HYAL4: variants seen among roughly 807,000 people sequenced by gnomAD.
HYAL4 encodes the protein hyaluronidase 4.
A neutral mutation model predicts 35.2 loss-of-function variants in HYAL4; 37 were observed. The observed-to-expected ratio is 1.05, with a 90% confidence interval of 0.81 to 1.38. The LOEUF (loss-of-function observed/expected upper bound fraction) is 1.38. Ranked by LOEUF, HYAL4 falls within the 40% of genes most tolerant of loss-of-function variation. The pLI is 0.00. For missense variants in HYAL4, 572 were observed against 572.4 expected (o/e 1.00, Z 0.01); for synonymous variants, 198 against 203.2 (o/e 0.97, Z 0.22).
In HYAL4 at chr7:123,868,918, G is replaced by C; in HGVS notation, c.645G>C (p.Trp215Cys). Residue 215 changes from tryptophan (W) to cysteine (C), a missense_variant, in exon 3 of 5, where the codon TGG (tryptophan) becomes TGC (cysteine). Transcript: ENST00000223026. ...LGIKSRPKGL[W>C]GYYLYPDCHN... ...TTAAGAGCCGACCCAAAGGCCTTTG[G>C]GGTTATTATTTATATCCTGATTGCC... The C allele has an allele frequency of 6.2e-7, 1 of 1,614,082 alleles. No individual in the cohort carries two copies. The highest frequency in any genetic ancestry group is 8.5e-7 in the Non-Finnish European group (1 of 1,180,018).
chr7:123,799,987 C>T, the HYAL4 span, among the ~76,000 whole-genome samples: 1 of 151,840 alleles, frequency 6.6e-6, no homozygotes, highest in Non-Finnish European at 1.5e-5. Flanking sequence ...ATGGTGAAAC[C>T]CCGCCTCTAC....
At chr7:123,793,218 C>G in the HYAL4 span, among the ~76,000 whole-genome samples, 1 of 152,164 alleles carries the variant, frequency 6.6e-6, no homozygotes, top group Non-Finnish European at 1.5e-5. Context: ...TTGATCTGGT[C>G]CAAAATATTC....
chr7:123,813,065 A>G, the HYAL4 span, among the ~76,000 whole-genome samples: 1 of 152,168 alleles, frequency 6.6e-6, no homozygotes, highest in Admixed American at 6.5e-5. Flanking sequence ...TTGGGGTGCT[A>G]TGTTGTGAGA....
the HYAL4 span, among the ~76,000 whole-genome samples, chr7:123,800,153 ACT>A: frequency 6.6e-6 from 1 of 150,492 alleles, no homozygotes; most frequent in Non-Finnish European, 1.5e-5. Flanking sequence ...ACAAAGAAAG[ACT>A]CTGTGTCAAT....
chr7:123,834,607 C>T (rs1169486404), intron 1 of HYAL4, among the ~76,000 whole-genome samples: 1 of 152,064 alleles, frequency 6.6e-6, no homozygotes, highest in Non-Finnish European at 1.5e-5. Flanking sequence ...CTAAGACTTC[C>T]AGTACTATGT....
chr7:123,813,176 C>T, the HYAL4 span, among the ~76,000 whole-genome samples: 1 of 151,806 alleles, frequency 6.6e-6, no homozygotes, highest in East Asian at 1.9e-4. Context: ...TAAAAAGAAA[C>T]TGAGTTTAAT....
upstream of HYAL4, among the ~76,000 whole-genome samples, chr7:123,828,249 T>C (rs1388932042): frequency 2.0e-5 from 3 of 152,144 alleles, no homozygotes. Context: ...ACAAGTAAAG[T>C]ATGTTATATT....
the HYAL4 span, among the ~76,000 whole-genome samples, chr7:123,775,106 A>G: frequency 6.6e-6 from 1 of 152,194 alleles, no homozygotes; most frequent in South Asian, 2.1e-4. Context: ...AACTCATGAA[A>G]TGTTTTAAGA....
intron 2 of HYAL4, among the ~76,000 whole-genome samples, chr7:123,864,233 T>C (rs1275172753): frequency 6.6e-6 from 1 of 152,142 alleles, no homozygotes; most frequent in African/African-American, 2.4e-5. Context: ...CTTTAATGAG[T>C]ATGTCATTTC....
chr7:123,828,634 C>T (rs1280162664), upstream of HYAL4, among the ~76,000 whole-genome samples: 1 of 152,076 alleles, frequency 6.6e-6, no homozygotes, highest in Non-Finnish European at 1.5e-5. Context: ...TTTTAACAAA[C>T]CATCCCCATA....
intron 1 of HYAL4, among the ~76,000 whole-genome samples, chr7:123,830,670 G>T (rs1283040570): frequency 6.6e-6 from 1 of 152,120 alleles, no homozygotes; most frequent in South Asian, 2.1e-4. Flanking sequence ...TTCACAAGCA[G>T]TATGTTATAA....
intron 3 of HYAL4, among the ~76,000 whole-genome samples, chr7:123,871,990 TTTA>T (rs1806893995): frequency 6.6e-6 from 1 of 152,172 alleles, no homozygotes; most frequent in Non-Finnish European, 1.5e-5. Context: ...TTTTAAAACA[TTTA>T]TTATTTATTA....
chr7:123,809,145 G>A, the HYAL4 span, among the ~76,000 whole-genome samples: 9 of 152,148 alleles, frequency 5.9e-5, no homozygotes, highest in Admixed American at 3.3e-4. Flanking sequence ...ATTATTATTT[G>A]TCTTTTGTGT....
the HYAL4 span, among the ~76,000 whole-genome samples, chr7:123,780,715 A>C: frequency 6.6e-6 from 1 of 151,622 alleles, no homozygotes; most frequent in African/African-American, 2.4e-5. Context: ...CCATTTTGTT[A>C]TGTACTAAGA....
At chr7:123,769,153 A>T in the HYAL4 span, among the ~76,000 whole-genome samples, 259 of 152,350 alleles carry the variant, frequency 1.7e-3, 2 homozygotes, top group African/African-American at 5.6e-3. Context: ...AAGTAGAATT[A>T]TGGGTTCAAG....
intron 4 of HYAL4, 69 bp from the exon 5 acceptor site, chr7:123,876,685 A>C: frequency 1.4e-6 from 2 of 1,469,172 alleles, no homozygotes; most frequent in Non-Finnish European, 1.9e-6. Flanking sequence ...GAGAAACACT[A>C]AAATCGATTT....
At chr7:123,824,439 A>G (rs1805771352), upstream of HYAL4, among the ~76,000 whole-genome samples, 1 of 152,120 alleles carries the variant, frequency 6.6e-6, no homozygotes, top group African/African-American at 2.4e-5. Context: ...TAATTTTTTT[A>G]AGTTTAATGA....
chr7:123,864,029 G>A (rs2116949340), intron 2 of HYAL4, among the ~76,000 whole-genome samples: 1 of 152,260 alleles, frequency 6.6e-6, no homozygotes, highest in African/African-American at 2.4e-5. Flanking sequence ...GGAGGAAGGG[G>A]CAGTGATGAG....
chr7:123,795,615 G>A, the HYAL4 span, among the ~76,000 whole-genome samples: 1 of 152,146 alleles, frequency 6.6e-6, no homozygotes, highest in African/African-American at 2.4e-5. Flanking sequence ...GCCACCCTGT[G>A]AAGAAGGATG....
Sources: gnomAD v4.1 joint callset for allele counts (sites outside exome capture counted in the v4.1 genomes callset) on GRCh38, gnomAD v4.1.1 for gene constraint, MANE v1.5 for transcripts, NCBI Gene and HGNC (gene_info 2026-07-23, HGNC 2026-07-21) for gene names.